The following MYDGF variants were observed in gnomAD, a reference collection of about 807,000 sequenced individuals.
MYDGF encodes myeloid derived growth factor.
Under a neutral mutation model 24.2 loss-of-function variants are expected in MYDGF, and 29 were observed. The ratio of observed to expected loss-of-function variants is 1.20; its 90% confidence interval spans 0.89 to 1.63. The LOEUF (loss-of-function observed/expected upper bound fraction) is 1.63, where lower values mean the gene tolerates loss of function less well. MYDGF is among the 40% of genes most tolerant of loss of function. The pLI, the probability that MYDGF is intolerant of heterozygous loss-of-function variation, is 0.00. For synonymous variants in MYDGF, 105 were observed against 102.5 expected (o/e 1.02, Z -0.15); for missense variants, 245 against 234.8 (o/e 1.04, Z -0.29).
intron 3 of MYDGF, 129 bp downstream of exon 3, chr19:4,664,747 T>G: frequency 9.9e-7 from 1 of 1,009,104 alleles, no homozygotes. Context: ...TGCACGTGCA[T>G]GAGTCTCCCT....
intron 5 of MYDGF, among the ~76,000 whole-genome samples, chr19:4,659,381 G>A (rs904808131): frequency 1.3e-4 from 20 of 151,896 alleles, no homozygotes; most frequent in Admixed American, 1.1e-3. Flanking sequence ...GCACCACCAC[G>A]CCTGGCTAAT....
At chr19:4,662,859 G>C (rs1347126975) in intron 3 of MYDGF, among the ~76,000 whole-genome samples, 1 of 151,860 alleles carries the variant, frequency 6.6e-6, no homozygotes, top group African/African-American at 2.4e-5. Flanking sequence ...CACCTGCCTA[G>C]CTCGTCCCCA....
At chr19:4,665,775 C>T (rs967748147) in intron 2 of MYDGF, among the ~76,000 whole-genome samples, 2 of 139,608 alleles carry the variant, frequency 1.4e-5, no homozygotes, top group Admixed American at 1.6e-4. Context: ...GAGCTGAGAT[C>T]GCGCCACTGC....
intron 3 of MYDGF, among the ~76,000 whole-genome samples, chr19:4,664,367 G>A (rs1383012582): frequency 1.3e-5 from 2 of 151,954 alleles, no homozygotes; most frequent in Non-Finnish European, 2.9e-5. Flanking sequence ...GCACACGCCT[G>A]TAATCCCAGC....
At chr19:4,669,047 G>A (rs921402363) in intron 1 of MYDGF, among the ~76,000 whole-genome samples, 4 of 152,004 alleles carry the variant, frequency 2.6e-5, no homozygotes, top group Admixed American at 6.6e-5. Context: ...TTTGCCATGG[G>A]ACCTGGACAA....
chr19:4,659,899 G>A lies in MYDGF; in HGVS notation c.442+32C>T, dbSNP rs73920106. On this transcript the variant is annotated intron_variant, in intron 5 of 5. Coordinates refer to ENST00000262947, the MANE Select transcript of MYDGF (RefSeq NM_019107.4). Reference sequence around the variant, plus strand: ...TTGCCCACCCTTGGATGGGGGTGGCGTCACCTCTACCCCATCCCCATCTTT... The same window carrying A: ...TTGCCCACCCTTGGATGGGGGTGGCATCACCTCTACCCCATCCCCATCTTT... The A allele has an allele frequency of 1.8e-4, 288 of 1,606,084 alleles. No homozygotes were observed. In the African/African-American group the frequency reaches 2.6e-3, roughly 14 times the overall value.
intron 3 of MYDGF, among the ~76,000 whole-genome samples, chr19:4,662,427 C>A (rs915139382): frequency 3.3e-5 from 5 of 152,232 alleles, no homozygotes; most frequent in African/African-American, 1.2e-4. Context: ...CCCCTCCCCA[C>A]CGGGGGGCCT....
intron 2 of MYDGF, among the ~76,000 whole-genome samples, chr19:4,666,733 C>T (rs2145188701): frequency 6.6e-6 from 1 of 152,292 alleles, no homozygotes; most frequent in South Asian, 2.1e-4. Flanking sequence ...CAACTCCACA[C>T]GTCCATGCAA....
chr19:4,668,766 C>T (rs1237702734), intron 1 of MYDGF, 121 bp from the exon 2 acceptor site: 5 of 756,644 alleles, frequency 6.6e-6, no homozygotes, highest in Non-Finnish European at 1.1e-5. Context: ...ACTGCAGCCT[C>T]GAACTCCCAG....
In MYDGF at chr19:4,657,980, G is replaced by T. The variant is rs774318939; in HGVS notation, c.*25C>A. On this transcript the variant is annotated 3_prime_UTR_variant, in exon 6 of 6. Coordinates refer to ENST00000262947, the MANE Select transcript of MYDGF (RefSeq NM_019107.4). ...CTTCAGCTTCACCGGAGATGAGAAGGTGCCACCCGCAACAGGGCTGCTGGT... is the reference window on the plus strand; with the variant it reads ...CTTCAGCTTCACCGGAGATGAGAAGTTGCCACCCGCAACAGGGCTGCTGGT... The T allele has an allele frequency of 1.4e-5, 22 of 1,594,400 alleles. No individual in the cohort carries two copies. In the Admixed American group the frequency reaches 3.7e-4, roughly 27 times the overall value.
At chr19:4,660,964 ATTTTTTTT>A (rs10718244) in intron 3 of MYDGF, among the ~76,000 whole-genome samples, 4 of 99,222 alleles carry the variant, frequency 4.0e-5, no homozygotes, top group Non-Finnish European at 9.1e-5. Flanking sequence ...TTGTGCCAGA[ATTTTTTTT>A]TTTTTTTTTT....
rs983398315 is a variant in MYDGF, at chr19:4,670,211, C to G, written c.124G>C (p.Val42Leu). The G allele has an allele frequency of 6.4e-7, 1 of 1,564,314 alleles. No homozygotes were observed. Among genetic ancestry groups the G allele is most frequent in the Non-Finnish European group, 8.6e-7 (1 of 1,158,532 alleles). Residue 42 changes from valine to leucine, a missense_variant, in exon 1 of 6, where the codon GTG becomes CTG. Transcript: ENST00000262947. ...GAATGCACGACGCCGCCGGGCCGCA[C>G]GTCAAACGCCACCGTCGTGGGCTCG... ...VSEPTTVAFD[V>L]RPGGVVHSFS...
intron 5 of MYDGF, among the ~76,000 whole-genome samples, chr19:4,659,516 A>G (rs10410371): frequency 0.24 from 36,605 of 151,784 alleles, 7,986 homozygotes; most frequent in African/African-American, 0.59. Context: ...GAGCCACCGC[A>G]CCCAGCCTGA....
Position 4,660,650 on chromosome 19 carries a change from CCCACT to C in MYDGF, c.369+14_369+18del, listed in dbSNP as rs1315711008. The C allele has an allele frequency of 6.2e-7, 1 of 1,610,832 alleles. No homozygotes were observed. ...CACAGAAGCCACACCCGGAGCCTGC[CCCACT>C]CCAAGATACTCACGTAGGCCATGGC... On this transcript the variant is annotated intron_variant, in intron 4 of 5. Coordinates refer to ENST00000262947, the MANE Select transcript of MYDGF (RefSeq NM_019107.4).
chr19:4,663,912 G>A (rs2145186428), intron 3 of MYDGF, among the ~76,000 whole-genome samples: 1 of 150,608 alleles, frequency 6.6e-6, no homozygotes, highest in African/African-American at 2.5e-5. Context: ...GGGGCTCCCT[G>A]CCTCAGCCTG....
At position 4,657,953 on chromosome 19, in the gene MYDGF, C is replaced by T; in HGVS notation, c.*52G>A. 1 of 1,506,276 alleles carries T rather than the reference C, an allele frequency of 6.6e-7. No individual in the cohort carries two copies. The highest frequency in any genetic ancestry group is 2.3e-5 in the East Asian group (1 of 42,878). 93.3% of individuals were successfully genotyped at this position (1,506,276 alleles called of 1,614,324 possible). A position where few individuals can be genotyped will look rare whatever the true frequency, so the allele number is the denominator to read the frequency against. On this transcript the variant is annotated 3_prime_UTR_variant, in exon 6 of 6. Transcript: ENST00000262947. ...TGCTGGCCCTTTCAGGGACACAGGC[C>T]CCTTCAGCTTCACCGGAGATGAGAA... is the stretch of plus-strand genomic sequence containing the variant.
chr19:4,660,874 A>C, intron 3 of MYDGF, 124 bp from the exon 4 acceptor site: 3 of 617,362 alleles, frequency 4.9e-6, no homozygotes, highest in East Asian at 3.2e-5. Flanking sequence ...GCTTCTCAAC[A>C]TGGACGCCAT....
rs1022446626 is a variant in MYDGF at position 4,657,867 on chromosome 19, G to A, written c.*138C>T. ...CTTCAGCCACCCTGCAAGCCCCTCC[G>A]GACAAGGCAACGTCAGCCCAGGTAG... On this transcript the variant is annotated 3_prime_UTR_variant, in exon 6 of 6. Transcript: ENST00000262947. 2.0e-5 allele frequency: 16 copies of A among 787,856 alleles called. No individual in the cohort carries two copies. The highest frequency in any genetic ancestry group is 7.4e-5 in the South Asian group (4 of 54,006). The allele number at this position is 787,856 out of a possible 1,614,324, so 48.8% of individuals were successfully genotyped here. A position where few individuals can be genotyped will look rare whatever the true frequency, so the allele number is the denominator to read the frequency against.
At chr19:4,661,360 C>T (rs774891632) in intron 3 of MYDGF, among the ~76,000 whole-genome samples, 2 of 152,176 alleles carry the variant, frequency 1.3e-5, no homozygotes, top group South Asian at 2.1e-4. Context: ...CATGTCCATT[C>T]ACTGCACATG....
Sources: gnomAD v4.1 joint callset for allele counts (sites outside exome capture counted in the v4.1 genomes callset) on GRCh38, gnomAD v4.1.1 for gene constraint, MANE v1.5 for transcripts, NCBI Gene and HGNC (gene_info 2026-07-23, HGNC 2026-07-21) for gene names.